Variants in SGCD observed in about 807,000 individuals in gnomAD.
SGCD encodes the protein delta-sarcoglycan.
SGCD carries 18 observed loss-of-function variants against 36.6 expected under a neutral mutation model. That is an observed-to-expected ratio of 0.49 (90% CI 0.34 to 0.73). The LOEUF is 0.73. Among genes scored for constraint, SGCD ranks in the 30% least tolerant of loss-of-function variants. The pLI is 0.01. For missense variants in SGCD, 387 were observed against 346.7 expected, an observed-to-expected ratio of 1.12 and a Z score of -0.92; for synonymous variants, 133 against 130.6, an observed-to-expected ratio of 1.02 and a Z score of -0.12.
chr5:156,315,559 T>A (rs914522521), intron 3 of SGCD, among the ~76,000 whole-genome samples: 6 of 152,002 alleles, frequency 3.9e-5, no homozygotes, highest in African/African-American at 7.2e-5. Context: ...TGATTTTTCC[T>A]TTGGATGTAT....
chr5:155,886,911 A>G (rs953928714), intron 1 of SGCD, among the ~76,000 whole-genome samples: 2 of 152,356 alleles, frequency 1.3e-5, no homozygotes. Context: ...CACATTGGGC[A>G]TGCCAGCTGC....
At position 156,344,696 on chromosome 5, in the gene SGCD, G is replaced by T. The variant is rs758001910; in HGVS notation, c.192+19G>T. Reference sequence around the variant, plus strand: ...CACAATTGTAAGTAAAACCATCTAGGTTTGTTTAGCTTTCTTCCGGGAGGG... The same window carrying T: ...CACAATTGTAAGTAAAACCATCTAGTTTTGTTTAGCTTTCTTCCGGGAGGG... On this transcript the variant is annotated intron_variant, in intron 3 of 8. Coordinates refer to ENST00000337851, the MANE Select transcript of SGCD (RefSeq NM_000337.6). 1 of 1,578,342 alleles carries T rather than the reference G, an allele frequency of 6.3e-7. No individual in the cohort carries two copies. The highest frequency in any genetic ancestry group is 8.6e-7 in the Non-Finnish European group (1 of 1,160,076).
At chr5:156,155,039 T>A (rs1762920226) in intron 3 of SGCD, among the ~76,000 whole-genome samples, 1 of 151,700 alleles carries the variant, frequency 6.6e-6, no homozygotes, top group South Asian at 2.1e-4. Flanking sequence ...AGGAAAGGTT[T>A]GCAACATCAT....
chr5:155,904,640 G>A (rs1209280140), intron 1 of SGCD, among the ~76,000 whole-genome samples: 1 of 152,142 alleles, frequency 6.6e-6, no homozygotes, highest in African/African-American at 2.4e-5. Context: ...TTGTGCTTAT[G>A]ATCTGCTGAG....
At chr5:156,602,288 C>T (rs1028130794) in intron 6 of SGCD, among the ~76,000 whole-genome samples, 3 of 150,480 alleles carry the variant, frequency 2.0e-5, no homozygotes, top group African/African-American at 7.5e-5. Context: ...TTGTATACGT[C>T]CATTTGATGT....
At chr5:155,886,523 C>T (rs912024313) in intron 1 of SGCD, among the ~76,000 whole-genome samples, 1 of 149,532 alleles carries the variant, frequency 6.7e-6, no homozygotes, top group Non-Finnish European at 1.5e-5. Flanking sequence ...TGTGTGTGTG[C>T]GTGGGCGCGT....
intron 3 of SGCD, among the ~76,000 whole-genome samples, chr5:156,285,131 T>G (rs1465856417): frequency 6.6e-6 from 1 of 152,104 alleles, no homozygotes; most frequent in Admixed American, 6.6e-5. Context: ...ATGAAGGACC[T>G]CTTCAAGGAG....
intron 3 of SGCD, among the ~76,000 whole-genome samples, chr5:156,470,967 T>C (rs1762504404): frequency 6.9e-6 from 1 of 144,424 alleles, no homozygotes; most frequent in Non-Finnish European, 1.6e-5. Context: ...CTAAGCCTTC[T>C]TTTTTTTTGA....
Position 155,941,204 on chromosome 5 carries a change from C to T in SGCD, c.-282+70780C>T, listed in dbSNP as rs74599458. Reference sequence around the variant, plus strand: ...AACTAACATACTCCCGTGATAATGACGTTAATCAATTCATAAGGGCACAGC... The same window carrying T: ...AACTAACATACTCCCGTGATAATGATGTTAATCAATTCATAAGGGCACAGC... On this transcript the variant is annotated intron_variant, in intron 1 of 9. Coordinates refer to the SGCD transcript ENST00000517913. 0.01 allele frequency among the ~76,000 whole-genome samples: 1,529 copies of T among 152,256 alleles called. 129 individuals carry two copies. In the East Asian group the frequency reaches 0.21, roughly 21 times the overall value.
chr5:156,087,107 A>C (rs1481770506), intron 1 of SGCD, among the ~76,000 whole-genome samples: 2 of 152,248 alleles, frequency 1.3e-5, no homozygotes, highest in African/African-American at 4.8e-5. Flanking sequence ...ACAGCAAAGA[A>C]GTATGCCTAT....
intron 3 of SGCD, among the ~76,000 whole-genome samples, chr5:156,450,679 T>A (rs1753968996): frequency 6.6e-6 from 1 of 152,150 alleles, no homozygotes; most frequent in Non-Finnish European, 1.5e-5. Flanking sequence ...GGAATCCTAT[T>A]GCCAACAAAA....
intron 1 of SGCD, among the ~76,000 whole-genome samples, chr5:155,952,122 T>G (rs1426866830): frequency 1.3e-5 from 2 of 152,174 alleles, no homozygotes; most frequent in African/African-American, 2.4e-5. Context: ...TTCTTTGGGC[T>G]AATTGCCTCT....
intron 3 of SGCD, among the ~76,000 whole-genome samples, chr5:156,235,582 A>T (rs923565206): frequency 6.6e-6 from 1 of 152,072 alleles, no homozygotes; most frequent in African/African-American, 2.4e-5. Context: ...ATTGATTATG[A>T]ATTAAGTTCA....
At chr5:155,877,362 G>T (rs1183764377) in intron 1 of SGCD, among the ~76,000 whole-genome samples, 3 of 152,088 alleles carry the variant, frequency 2.0e-5, no homozygotes, top group Admixed American at 1.3e-4. Flanking sequence ...TCTAGCAATA[G>T]GATTTGGATG....
At chr5:156,522,760 C>T (rs1018695696) in intron 4 of SGCD, among the ~76,000 whole-genome samples, 1 of 150,754 alleles carries the variant, frequency 6.6e-6, no homozygotes, top group Admixed American at 6.6e-5. Flanking sequence ...ACAACCCCAT[C>T]CCCACCCCCC....
In SGCD at chr5:156,578,217, T is replaced by G. The variant is rs552332009; in HGVS notation, c.295-11014T>G. Among the ~76,000 whole-genome samples the G allele has an allele frequency of 5.9e-5, 9 of 152,358 alleles. No homozygotes were observed. The South Asian group carries it at 1.9e-3, about 32-fold the overall frequency. ...TTCTGTTTATGTGATGGGTTACATT[T>G]ATTGATTTGCATATGTTGAACCAGC... On this transcript the variant is annotated intron_variant, in intron 4 of 8. Transcript: ENST00000337851.
intron 2 of SGCD, among the ~76,000 whole-genome samples, chr5:156,334,146 C>G (rs988375080): frequency 6.6e-6 from 1 of 152,042 alleles, no homozygotes; most frequent in Non-Finnish European, 1.5e-5. Context: ...GCTTGGTCCC[C>G]AAGTCACAGA....
chr5:156,724,432 G>A (rs1223883152), intron 7 of SGCD, among the ~76,000 whole-genome samples: 3 of 151,892 alleles, frequency 2.0e-5, no homozygotes, highest in Admixed American at 6.6e-5. Context: ...GTGAAACCCC[G>A]CCTCTATTAA....
chr5:156,448,992 G>T (rs949886064), intron 3 of SGCD, among the ~76,000 whole-genome samples: 3 of 152,114 alleles, frequency 2.0e-5, no homozygotes, highest in African/African-American at 7.2e-5. Flanking sequence ...GACCTCAAGT[G>T]ATCCACCCAC....
Sources: allele counts gnomAD v4.1 joint callset (sites outside exome capture counted in the v4.1 genomes callset), GRCh38; gene constraint gnomAD v4.1.1; transcripts MANE v1.5; gene names NCBI Gene and HGNC (gene_info 2026-07-23, HGNC 2026-07-21).